Variants in SMIM35 observed in about 807,000 individuals in gnomAD.
SMIM35 encodes the protein small integral membrane protein 35.
intron 1 of SMIM35, among the ~76,000 whole-genome samples, chr11:118,083,455 G>A (rs1021302913): frequency 6.6e-6 from 1 of 152,084 alleles, no homozygotes; most frequent in African/African-American, 2.4e-5. Flanking sequence ...CTGAAGCCAA[G>A]CCCCGGGGCC....
intron 1 of SMIM35, chr11:118,059,412 G>A (rs1384988791): frequency 2.0e-5 from 3 of 152,256 alleles, no homozygotes; most frequent in South Asian, 2.1e-4. Flanking sequence ...ACCCAGCATG[G>A]AGCCCACAGC....
At chr11:118,031,898 G>A (rs2135058440) in intron 1 of SMIM35, 1 of 152,070 alleles carries the variant, frequency 6.6e-6, no homozygotes, top group South Asian at 2.1e-4. Flanking sequence ...AGTGCTTTGG[G>A]AGGCTGAGAC....
chr11:118,060,912 A>G (rs998902875), intron 1 of SMIM35, among the ~76,000 whole-genome samples: 37 of 152,178 alleles, frequency 2.4e-4, no homozygotes, highest in Non-Finnish European at 5.0e-4. Context: ...TTGATCTATA[A>G]GTAAGAGAGG....
chr11:118,016,926 C>T (rs891587963), intron 1 of SMIM35, among the ~76,000 whole-genome samples: 2 of 152,086 alleles, frequency 1.3e-5, no homozygotes, highest in African/African-American at 4.8e-5. Context: ...CACAATTCTC[C>T]CATTAAAAAC....
chr11:118,014,615 G>A, intron 3 of SMIM35, 93 bp downstream of exon 3: 1 of 398,448 alleles, frequency 2.5e-6, no homozygotes, highest in Non-Finnish European at 4.4e-6. Flanking sequence ...ACAGGAAAGG[G>A]AACCAGTCAG....
At chr11:118,075,548 G>C (rs904457154) in intron 1 of SMIM35, among the ~76,000 whole-genome samples, 1 of 152,190 alleles carries the variant, frequency 6.6e-6, no homozygotes, top group Admixed American at 6.5e-5. Context: ...AGAGAACCAG[G>C]TTCCAGCCCC....
At chr11:118,030,358 C>A (rs1432148966) in intron 1 of SMIM35, among the ~76,000 whole-genome samples, 1 of 152,090 alleles carries the variant, frequency 6.6e-6, no homozygotes, top group African/African-American at 2.4e-5. Flanking sequence ...ATGTTGGGCT[C>A]AGGCTTCTTC....
chr11:118,071,578 C>T (rs556948288), intron 1 of SMIM35, among the ~76,000 whole-genome samples: 32 of 152,314 alleles, frequency 2.1e-4, no homozygotes, highest in Non-Finnish European at 3.5e-4. Context: ...CCACCCACTG[C>T]GCCCTTCTCT....
At chr11:118,022,354 A>T (rs370038650) in intron 1 of SMIM35, among the ~76,000 whole-genome samples, 1 of 151,970 alleles carries the variant, frequency 6.6e-6, no homozygotes, top group South Asian at 2.1e-4. Flanking sequence ...TGGCCCAACA[A>T]TAAGTCTTAG....
intron 1 of SMIM35, among the ~76,000 whole-genome samples, chr11:118,022,748 A>G (rs1268531571): frequency 6.6e-6 from 1 of 152,082 alleles, no homozygotes; most frequent in Non-Finnish European, 1.5e-5. Context: ...CCAGAGAATC[A>G]TCTGAAAGCA....
intron 4 of SMIM35, among the ~76,000 whole-genome samples, chr11:118,011,070 C>G (rs370994364): frequency 6.6e-6 from 1 of 152,218 alleles, no homozygotes; most frequent in Admixed American, 6.5e-5. Flanking sequence ...AAGCTGTGCT[C>G]GCCAGTAGCC....
At chr11:118,069,264 C>T (rs1394029851) in intron 1 of SMIM35, among the ~76,000 whole-genome samples, 1 of 152,198 alleles carries the variant, frequency 6.6e-6, no homozygotes, top group African/African-American at 2.4e-5. Flanking sequence ...TATATATGCA[C>T]AACACAGAGT....
intron 1 of SMIM35, among the ~76,000 whole-genome samples, chr11:118,046,534 G>A (rs984469845): frequency 1.3e-5 from 2 of 152,212 alleles, no homozygotes; most frequent in African/African-American, 2.4e-5. Context: ...CTCAACAGAC[G>A]CCTGGATATC....
intron 1 of SMIM35, among the ~76,000 whole-genome samples, chr11:118,070,549 G>T (rs1944554913): frequency 6.6e-6 from 1 of 152,208 alleles, no homozygotes; most frequent in Non-Finnish European, 1.5e-5. Flanking sequence ...GTGCATGTAG[G>T]ATGGAAAGCA....
intron 1 of SMIM35, among the ~76,000 whole-genome samples, chr11:118,071,542 G>C (rs1199464231): frequency 6.6e-6 from 1 of 152,182 alleles, no homozygotes. Context: ...TGGTATGAGT[G>C]AGCCTGGGCT....
rs1296628872 is a variant in SMIM35, at chr11:118,015,693, C to T, written c.124G>A (p.Gly42Arg). The T allele has an allele frequency of 2.5e-6, 1 of 399,164 alleles. No homozygotes were observed. The highest frequency in any genetic ancestry group is 4.4e-6 in the Non-Finnish European group (1 of 226,254). 24.7% of individuals were successfully genotyped at this position (399,164 alleles called of 1,614,324 possible). A position where few individuals can be genotyped will look rare whatever the true frequency, so the allele number is the denominator to read the frequency against. ...GCTACAGGGCCCAGTGCACACTCACCCTCCCAGCAGTACCCGCGCTGGTAC... is the reference window on the plus strand; with the variant it reads ...GCTACAGGGCCCAGTGCACACTCACTCTCCCAGCAGTACCCGCGCTGGTAC... ...KWYQRGYCWE[G>R]PNFVFNLYQI... Residue 42 changes from glycine (G) to arginine (R), a missense_variant and splice_region_variant, in exon 2 of 5, where the codon GGG (glycine) becomes AGG (arginine). Coordinates refer to ENST00000689828, the MANE Select transcript of SMIM35 (RefSeq NM_001394165.1).
chr11:118,024,935 C>T (rs902797719), intron 1 of SMIM35, among the ~76,000 whole-genome samples: 13 of 151,738 alleles, frequency 8.6e-5, no homozygotes, highest in African/African-American at 2.7e-4. Context: ...CCTCTCTCCC[C>T]GATCTAGTGG....
At chr11:118,028,954 A>G (rs1338823821) in intron 1 of SMIM35, 2 of 405,046 alleles carry the variant, frequency 4.9e-6, no homozygotes, top group Admixed American at 3.1e-5. Context: ...AGGAGGAGAA[A>G]TTCGTGGCTA....
intron 1 of SMIM35, among the ~76,000 whole-genome samples, chr11:118,026,350 A>G (rs529472797): frequency 9.2e-5 from 14 of 152,340 alleles, no homozygotes; most frequent in Non-Finnish European, 1.8e-4. Flanking sequence ...GTCAATGCCT[A>G]TACTGAGGTG....
Sources: allele counts gnomAD v4.1 joint callset (sites outside exome capture counted in the v4.1 genomes callset), GRCh38; gene constraint gnomAD v4.1.1; transcripts MANE v1.5; gene names NCBI Gene and HGNC (gene_info 2026-07-23, HGNC 2026-07-21).